Variants in PXYLP1 observed in about 807,000 individuals in gnomAD.
PXYLP1 encodes the protein acid phosphatase-like 2.
In PXYLP1, 17 loss-of-function variants were observed where a neutral mutation model predicts 37.9. That is an observed-to-expected ratio of 0.45 (90% CI 0.31 to 0.67). PXYLP1 has a LOEUF of 0.67. PXYLP1 is among the 30% of genes least tolerant of loss of function. The probability of loss-of-function intolerance (pLI) is 0.07; values close to 1 mark genes in which losing one functional copy is unlikely to be tolerated. For missense variants in PXYLP1, 511 were observed against 612.0 expected (o/e 0.84, Z 1.74); for synonymous variants, 221 against 232.2 (o/e 0.95, Z 0.44).
chr3:141,289,940 C>G (rs1018425557), intron 5 of PXYLP1, among the ~76,000 whole-genome samples: 9 of 152,236 alleles, frequency 5.9e-5, no homozygotes, highest in Non-Finnish European at 8.8e-5. Flanking sequence ...CTCAATTCAT[C>G]TATCATCATC....
chr3:141,248,522 C>A (rs1941021999), intron 1 of PXYLP1, among the ~76,000 whole-genome samples: 1 of 147,926 alleles, frequency 6.8e-6, no homozygotes, highest in African/African-American at 2.5e-5. Context: ...TACACACACA[C>A]ACACGTATAT....
intron 2 of PXYLP1, among the ~76,000 whole-genome samples, chr3:141,277,610 T>G (rs1941827886): frequency 6.6e-6 from 1 of 152,180 alleles, no homozygotes; most frequent in Non-Finnish European, 1.5e-5. Context: ...CCTTATTGAC[T>G]CTGGTCACAT....
At chr3:141,246,554 A>G (rs1386982845) in intron 1 of PXYLP1, among the ~76,000 whole-genome samples, 2 of 152,214 alleles carry the variant, frequency 1.3e-5, no homozygotes, top group Non-Finnish European at 2.9e-5. Flanking sequence ...GAGAGGCAGC[A>G]TGCTGGCTGG....
At chr3:141,274,712 G>T in intron 2 of PXYLP1, 1 of 702,472 alleles carries the variant, frequency 1.4e-6, no homozygotes, top group South Asian at 1.5e-5. Context: ...GTTTGGGATG[G>T]CAGGGTGACA....
chr3:141,272,929 A>G (rs988895866), intron 2 of PXYLP1: 22 of 937,506 alleles, frequency 2.3e-5, no homozygotes, highest in East Asian at 1.2e-4. Flanking sequence ...AAGGAGCAAT[A>G]CTTTGTGTTC....
intron 2 of PXYLP1, among the ~76,000 whole-genome samples, chr3:141,277,119 A>C (rs1038138542): frequency 6.6e-6 from 1 of 152,112 alleles, no homozygotes; most frequent in African/African-American, 2.4e-5. Context: ...TTTTTCTCTC[A>C]GTGTGTTGCC....
At chr3:141,241,775 A>T (rs1017814788) in intron 1 of PXYLP1, among the ~76,000 whole-genome samples, 38 of 152,088 alleles carry the variant, frequency 2.5e-4, no homozygotes, top group Admixed American at 1.8e-3. Flanking sequence ...GTGAGAGGGG[A>T]TGAGTCTGCA....
intron 1 of PXYLP1, among the ~76,000 whole-genome samples, chr3:141,250,479 AG>A (rs1454814933): frequency 6.6e-6 from 1 of 152,194 alleles, no homozygotes; most frequent in Non-Finnish European, 1.5e-5. Flanking sequence ...GTCTGCCAGG[AG>A]GTGCATCCTG....
chr3:141,234,515 C>A (rs1043207066), intron 1 of PXYLP1, among the ~76,000 whole-genome samples: 12 of 152,202 alleles, frequency 7.9e-5, no homozygotes, highest in African/African-American at 2.9e-4. Context: ...CAGATTGCAC[C>A]ATCCCCACTC....
chr3:141,266,393 C>T (rs566434723), intron 2 of PXYLP1, among the ~76,000 whole-genome samples: 10 of 152,222 alleles, frequency 6.6e-5, no homozygotes, highest in Non-Finnish European at 8.8e-5. Context: ...GTCGCCACAG[C>T]GCCCACCTGC....
intron 4 of PXYLP1, 137 bp from the exon 5 acceptor site, chr3:141,287,177 A>G (rs1457543721): frequency 2.2e-6 from 2 of 890,280 alleles, no homozygotes; most frequent in Non-Finnish European, 3.5e-6. Flanking sequence ...ATTGGAACTG[A>G]AAAGTGATTG....
chr3:141,287,541 G>T (rs766087602), intron 5 of PXYLP1, 88 bp downstream of exon 5: 22 of 1,500,194 alleles, frequency 1.5e-5, no homozygotes, highest in Non-Finnish European at 2.0e-5. Context: ...GCGGGGTGCT[G>T]TGCAGCTCAG....
In PXYLP1 at chr3:141,278,392, C is replaced by T. The variant is rs756016328; in HGVS notation, c.130C>T (p.Arg44Ter). The T allele has an allele frequency of 6.8e-6, 11 of 1,614,080 alleles. No individual in the cohort carries two copies. Among genetic ancestry groups the T allele is most frequent in the East Asian group, 4.5e-5 (2 of 44,904 alleles). Residue 44 changes from arginine (R) to a stop codon, truncating the protein, a stop_gained, in exon 3 of 6, where the codon CGA becomes TGA. Transcript: ENST00000286353. LOFTEE classifies it high-confidence loss of function. ...TAAGAATGGAATGAGTAGCAAGAGT[C>T]GAAAGAGAATCATGCCCGACCCTGT... Reference protein sequence around the residue: ...TPKNGMSSKSRKRIMPDPVTE... With the variant: ...TPKNGMSSKS
In PXYLP1 at chr3:141,292,893, T is replaced by C; in HGVS notation, c.1131T>C (p.Ala377=). 3.7e-6 allele frequency: 6 copies of C among 1,614,184 alleles called. No individual in the cohort carries two copies. Among genetic ancestry groups the C allele is most frequent in the Non-Finnish European group, 5.1e-6 (6 of 1,180,028 alleles). The change falls in exon 6 of 6, where the codon GCT becomes GCC. Residue 377 remains alanine (A), a synonymous_variant. Coordinates refer to ENST00000286353, the MANE Select transcript of PXYLP1 (RefSeq NM_001037172.3). The surrounding 1 kb of genome is among the most constrained non-coding windows in gnomAD (Gnocchi z 4.3). ...AAGAGCTCTTTGCCCTCTACTCTGC[T>C]CATGATGTCACTCTGTCACCAGTTC... ...RKEELFALYS[A]HDVTLSPVLS... is the part of the protein sequence containing the mutation.
At chr3:141,247,320 C>T (rs1252599342) in intron 1 of PXYLP1, among the ~76,000 whole-genome samples, 1 of 152,246 alleles carries the variant, frequency 6.6e-6, no homozygotes, top group African/African-American at 2.4e-5. Context: ...CACTAGAAGA[C>T]CAGAGATCTG....
chr3:141,275,239 G>A (rs1941763559), intron 2 of PXYLP1, among the ~76,000 whole-genome samples: 1 of 152,204 alleles, frequency 6.6e-6, no homozygotes, highest in Non-Finnish European at 1.5e-5. Flanking sequence ...TTTATCTGTG[G>A]TTTTCAAACC....
At chr3:141,274,926 C>T (rs139636781) in intron 2 of PXYLP1, among the ~76,000 whole-genome samples, 23 of 152,192 alleles carry the variant, frequency 1.5e-4, no homozygotes, top group East Asian at 1.2e-3. Flanking sequence ...GGAGCATAGG[C>T]GAGAAACATC....
intron 1 of PXYLP1, among the ~76,000 whole-genome samples, chr3:141,250,989 A>G (rs2148719907): frequency 6.6e-6 from 1 of 152,318 alleles, no homozygotes. Flanking sequence ...CATATCTAAG[A>G]GTGGTATTCA....
chr3:141,257,282 C>T (rs778009160), intron 1 of PXYLP1, among the ~76,000 whole-genome samples: 2 of 152,206 alleles, frequency 1.3e-5, no homozygotes, highest in South Asian at 2.1e-4. Flanking sequence ...GTCTCTCATG[C>T]ACCAGCAGTC....
Sources: allele counts gnomAD v4.1 joint callset (sites outside exome capture counted in the v4.1 genomes callset), GRCh38; gene constraint gnomAD v4.1.1; non-coding constraint Gnocchi (gnomAD v3.1); transcripts MANE v1.5; gene names NCBI Gene and HGNC (gene_info 2026-07-23, HGNC 2026-07-21).